RLN1: variants seen among roughly 807,000 people sequenced by gnomAD.
RLN1 encodes prorelaxin H1.
In RLN1, 4 loss-of-function variants were observed where a neutral mutation model predicts 7.2. That is an observed-to-expected ratio of 0.56 (90% CI 0.28 to 1.28). The LOEUF (loss-of-function observed/expected upper bound fraction) is 1.28. Ranked by LOEUF, RLN1 falls within the 50% of genes most tolerant of loss-of-function variation. The pLI, the probability that RLN1 is intolerant of heterozygous loss-of-function variation, is 0.11. For missense variants in RLN1, 293 were observed against 221.1 expected (o/e 1.32, Z -2.06); for synonymous variants, 105 against 86.0 (o/e 1.22, Z -1.22).
chr9:5,340,126 A>T (rs1354373487), upstream of RLN1, among the ~76,000 whole-genome samples: 5 of 152,198 alleles, frequency 3.3e-5, no homozygotes, highest in African/African-American at 9.6e-5. Context: ...CACAGAAATA[A>T]AATTGAGATC....
chr9:5,340,247 G>A (rs868709130), upstream of RLN1, among the ~76,000 whole-genome samples: 1 of 152,054 alleles, frequency 6.6e-6, no homozygotes, highest in African/African-American at 2.4e-5. Context: ...TATAATGTTG[G>A]GCATATCAAT....
chr9:5,337,107 G>A (rs1444055816), intron 1 of RLN1, among the ~76,000 whole-genome samples: 8 of 152,000 alleles, frequency 5.3e-5, no homozygotes, highest in Non-Finnish European at 1.5e-5. Flanking sequence ...TATCATTTTT[G>A]GTTAAATGAC....
At chr9:5,335,959 G>T (rs1320736782) in intron 1 of RLN1, among the ~76,000 whole-genome samples, 1 of 152,000 alleles carries the variant, frequency 6.6e-6, no homozygotes, top group Non-Finnish European at 1.5e-5. Context: ...CATTTTCTTG[G>T]ATTCTTCTTA....
chr9:5,340,043 CTTT>C (rs1178710762), upstream of RLN1, among the ~76,000 whole-genome samples: 2 of 152,128 alleles, frequency 1.3e-5, no homozygotes, highest in African/African-American at 4.8e-5. Context: ...GTTTTTCGCT[CTTT>C]TGTTACCCTG....
upstream of RLN1, chr9:5,339,879 T>A (rs1816957228): frequency 1.2e-6 from 1 of 853,718 alleles, no homozygotes; most frequent in East Asian, 2.5e-5. Context: ...CAACCAGTCT[T>A]TAGTATGGGC....
intron 1 of RLN1, among the ~76,000 whole-genome samples, chr9:5,337,226 T>A (rs573784694): frequency 6.6e-6 from 1 of 152,172 alleles, no homozygotes; most frequent in African/African-American, 2.4e-5. Flanking sequence ...TCTTATTAAA[T>A]GCTGAAAAAA....
chr9:5,336,899 T>C (rs1251746724), intron 1 of RLN1, among the ~76,000 whole-genome samples: 2 of 152,042 alleles, frequency 1.3e-5, no homozygotes, highest in African/African-American at 2.4e-5. Context: ...GTTCTGGGGC[T>C]GATCATTTCC....
In RLN1 at chr9:5,334,994, TTTAAG is replaced by T. The variant is rs1479955910; in HGVS notation, c.*252_*256del. On this transcript the variant is annotated 3_prime_UTR_variant, in exon 2 of 2. Coordinates refer to ENST00000223862, the MANE Select transcript of RLN1 (RefSeq NM_006911.4). ...AAAGTGGCAAAGGTTTTATTGTAATTTTAAGTTAACAGCATTAAAAAGAATCAACA... is the reference window on the plus strand; with the variant it reads ...AAAGTGGCAAAGGTTTTATTGTAATTTTAACAGCATTAAAAAGAATCAACA... The T allele has an allele frequency of 5.8e-6, 2 of 343,764 alleles. No homozygotes were observed. Among genetic ancestry groups the T allele is most frequent in the Non-Finnish European group, 1.0e-5 (2 of 193,236 alleles). 21.3% of individuals were successfully genotyped at this position (343,764 alleles called of 1,614,324 possible).
In RLN1 at chr9:5,337,392, T is replaced by C. The variant is rs578018223; in HGVS notation, c.212-1795A>G. 3.3e-5 allele frequency among the ~76,000 whole-genome samples: 5 copies of C among 152,176 alleles called. No homozygotes were observed. In the East Asian group the frequency reaches 5.8e-4, roughly 18 times the overall value. ...TGAAATATTTCATAATCCATAACACTTTTAGCTATGGAACCTAGGCTCAGA... is the reference window on the plus strand; with the variant it reads ...TGAAATATTTCATAATCCATAACACCTTTAGCTATGGAACCTAGGCTCAGA... On this transcript the variant is annotated intron_variant, in intron 1 of 1. Coordinates refer to ENST00000223862, the MANE Select transcript of RLN1 (RefSeq NM_006911.4).
upstream of RLN1, among the ~76,000 whole-genome samples, chr9:5,340,031 T>G (rs1290308266): frequency 6.6e-6 from 1 of 152,240 alleles, no homozygotes. Context: ...TTTTACAGTT[T>G]TGTTTTTCGC....
At position 5,339,846 on chromosome 9, in the gene RLN1, T is replaced by G; in HGVS notation, c.-100A>C. ...GGGCCTGTGTGCCTGTCCCGGGCTTTAGGCTGCTTTCCCTACCCGGCTCAA... is the reference window on the plus strand; with the variant it reads ...GGGCCTGTGTGCCTGTCCCGGGCTTGAGGCTGCTTTCCCTACCCGGCTCAA... On this transcript the variant is annotated 5_prime_UTR_variant, in exon 1 of 2. Transcript: ENST00000223862. 8.0e-7 allele frequency: 1 copy of G among 1,252,984 alleles called. No homozygotes were observed. Among genetic ancestry groups the G allele is most frequent in the East Asian group, 2.3e-5 (1 of 42,740 alleles). 77.6% of individuals were successfully genotyped at this position (1,252,984 alleles called of 1,614,324 possible).
At chr9:5,337,908 T>A in intron 1 of RLN1, among the ~76,000 whole-genome samples, 1 of 152,174 alleles carries the variant, frequency 6.6e-6, no homozygotes, top group African/African-American at 2.4e-5. Context: ...AAAGAATCTT[T>A]AAGTTTATGT....
At position 5,339,588 on chromosome 9, in the gene RLN1, G is replaced by C. The variant is rs1816949689; in HGVS notation, c.159C>G (p.Ser53Arg). ...QIAICGMSTW[S>R]KRSLSQEDAP... is the part of the protein sequence containing the mutation. The stretch of plus-strand genomic sequence containing the variant: ...CATCTTCCTGGCTCAGAGACCTTTT[G>C]CTCCAGGTGCTCATGCCGCAAATGG... The change falls in exon 1 of 2, where the codon AGC becomes AGG. Residue 53 changes from serine (S) to arginine (R), a missense_variant. Coordinates refer to ENST00000223862, the MANE Select transcript of RLN1 (RefSeq NM_006911.4). The C allele has an allele frequency of 1.2e-6, 2 of 1,609,698 alleles. No homozygotes were observed. Among genetic ancestry groups the C allele is most frequent in the Non-Finnish European group, 1.7e-6 (2 of 1,179,092 alleles).
intron 1 of RLN1, among the ~76,000 whole-genome samples, chr9:5,337,931 AC>A (rs1221096677): frequency 6.6e-6 from 1 of 152,064 alleles, no homozygotes; most frequent in Non-Finnish European, 1.5e-5. Context: ...CAGATTTATG[AC>A]AAAAATACTA....
At chr9:5,335,634 A>ACGCC in intron 1 of RLN1, 37 bp from the exon 2 acceptor site, 1 of 1,365,064 alleles carries the variant, frequency 7.3e-7, no homozygotes, top group Non-Finnish European at 1.0e-6. Flanking sequence ...GTGAAGGCGT[A>ACGCC]TTCACGTCAA....
intron 1 of RLN1, 37 bp from the exon 2 acceptor site, chr9:5,335,634 A>T: frequency 7.3e-7 from 1 of 1,365,072 alleles, no homozygotes; most frequent in Non-Finnish European, 1.0e-6. Flanking sequence ...GTGAAGGCGT[A>T]TTCACGTCAA....
rs1485155301 is a variant in RLN1 at position 5,335,167 on chromosome 9, T to C, written c.*84A>G. ...TAAAGATTTCTTATATTCTAATAAT[T>C]AGTGGGACCTGACAGAAGCATCAGT... On this transcript the variant is annotated 3_prime_UTR_variant, in exon 2 of 2. Transcript: ENST00000223862. 9.8e-6 allele frequency: 7 copies of C among 717,444 alleles called. No homozygotes were observed. Among genetic ancestry groups the C allele is most frequent in the Non-Finnish European group, 1.6e-5 (7 of 446,200 alleles). 44.4% of individuals were successfully genotyped at this position (717,444 alleles called of 1,614,324 possible). A position where few individuals can be genotyped will look rare whatever the true frequency, so the allele number is the denominator to read the frequency against.
Position 5,335,444 on chromosome 9 carries a change from G to A in RLN1, c.365C>T (p.Ser122Phe), listed in dbSNP as rs938411406. Residue 122 changes from serine (S) to phenylalanine (F), a missense_variant, in exon 2 of 2, where the codon TCC becomes TTC. By Grantham distance (155) the Ser-to-Phe change is radical (BLOSUM62 -2). Coordinates refer to ENST00000223862, the MANE Select transcript of RLN1 (RefSeq NM_006911.4). The part of the protein sequence containing the change: ...LQQYVPALKD[S>F]NLSFEEFKKL... Reference sequence around the variant, plus strand: ...CTTAAATTCTTCAAAGCTAAGATTGGAATCCTTTAATGCAGGTACATACTG... The same window carrying A: ...CTTAAATTCTTCAAAGCTAAGATTGAAATCCTTTAATGCAGGTACATACTG... 3.7e-6 allele frequency: 6 copies of A among 1,613,586 alleles called. No homozygotes were observed. The African/African-American group carries it at 8.0e-5, about 22-fold the overall frequency.
At chr9:5,340,755 T>C (rs748823185), upstream of RLN1, among the ~76,000 whole-genome samples, 1 of 152,190 alleles carries the variant, frequency 6.6e-6, no homozygotes, top group African/African-American at 2.4e-5. Flanking sequence ...GATAATATGG[T>C]TAGTAGACGA....
Sources: allele counts gnomAD v4.1 joint callset (sites outside exome capture counted in the v4.1 genomes callset), GRCh38; gene constraint gnomAD v4.1.1; transcripts MANE v1.5; gene names NCBI Gene and HGNC (gene_info 2026-07-23, HGNC 2026-07-21).